The following ACVR1B variants were observed in gnomAD, a reference collection of about 807,000 sequenced individuals.
The protein encoded by ACVR1B is activin A receptor type 1B.
In ACVR1B, 15 loss-of-function variants were observed where a neutral mutation model predicts 55.6. That is an observed-to-expected ratio of 0.27 (90% CI 0.18 to 0.42). The LOEUF (loss-of-function observed/expected upper bound fraction) is 0.42. ACVR1B is among the 10% of genes least tolerant of loss of function. ACVR1B has a pLI of 1.00. For missense variants in ACVR1B, 359 were observed against 670.1 expected, an observed-to-expected ratio of 0.54 and a Z score of 5.13; for synonymous variants, 247 against 254.6, an observed-to-expected ratio of 0.97 and a Z score of 0.28.
chr12:51,992,083 G>A lies in ACVR1B; in HGVS notation c.1392+90G>A, dbSNP rs10876226. The A allele has an allele frequency of 3.9e-3, 6,009 of 1,536,152 alleles. 26 individuals are homozygous for A. The highest frequency in any genetic ancestry group is 4.6e-3 in the Non-Finnish European group (5,160 of 1,114,546). On this transcript the variant is annotated intron_variant, in intron 8 of 8. Transcript: ENST00000257963. ...TTGACAATGGGGTCAGGCCCCAGAG[G>A]AGCCCCCTGAGAGTGTCAGTTATTA...
intron 7 of ACVR1B, 125 bp from the exon 8 acceptor site, chr12:51,991,738 C>T (rs1056694784): frequency 2.4e-5 from 26 of 1,064,078 alleles, no homozygotes; most frequent in Non-Finnish European, 3.5e-5. Context: ...TTAGAATTAA[C>T]TAACTTTCTA....
intron 1 of ACVR1B, chr12:51,953,433 T>A (rs1249596222): frequency 1.0e-6 from 1 of 985,348 alleles, no homozygotes; most frequent in Non-Finnish European, 1.2e-6. Flanking sequence ...GCTCTGTGGC[T>A]TAGGTATCTG....
chr12:51,963,586 A>G (rs1414475809), intron 1 of ACVR1B, among the ~76,000 whole-genome samples: 5 of 152,240 alleles, frequency 3.3e-5, no homozygotes, highest in East Asian at 3.8e-4. Context: ...TTCATGTAAT[A>G]TAATGTTTTT....
chr12:51,965,371 A>G (rs904758323), intron 1 of ACVR1B, among the ~76,000 whole-genome samples: 1 of 152,230 alleles, frequency 6.6e-6, no homozygotes, highest in Non-Finnish European at 1.5e-5. Context: ...AAACCCTGAT[A>G]TATGATACTC....
rs1387315619 is a variant in ACVR1B at position 51,976,437 on chromosome 12, G to A, written c.442G>A (p.Val148Ile). ...LFLIIIIVFL[V>I]INYHQRVYHN... is the part of the protein sequence containing the mutation. ...CCTCATCATCATCATTGTTTTCCTT[G>A]TCATTAACTATCATCAGCGTGTCTA... The change falls in exon 3 of 9, where the codon GTC (valine) becomes ATC (isoleucine). Residue 148 changes from valine (V) to isoleucine (I), a missense_variant. Coordinates refer to ENST00000257963, the MANE Select transcript of ACVR1B (RefSeq NM_004302.5). 1 of 1,614,088 alleles carries A rather than the reference G, an allele frequency of 6.2e-7. No individual in the cohort carries two copies. Among genetic ancestry groups the A allele is most frequent in the East Asian group, 2.2e-5 (1 of 44,868 alleles).
chr12:51,984,464 C>T (rs1407956540), intron 5 of ACVR1B, among the ~76,000 whole-genome samples: 1 of 152,090 alleles, frequency 6.6e-6, no homozygotes, highest in East Asian at 1.9e-4. Context: ...ATCTTAGAAT[C>T]CCACAATAGA....
intron 1 of ACVR1B, among the ~76,000 whole-genome samples, chr12:51,954,113 C>T (rs924011841): frequency 5.3e-5 from 8 of 152,270 alleles, no homozygotes; most frequent in African/African-American, 1.9e-4. Context: ...CCCTCCCCTG[C>T]ATTTCCTATA....
At chr12:51,964,007 T>C (rs542979956) in intron 1 of ACVR1B, among the ~76,000 whole-genome samples, 1 of 152,360 alleles carries the variant, frequency 6.6e-6, no homozygotes, top group Admixed American at 6.5e-5. Context: ...TAGTATCTCA[T>C]TATGGTTTTG....
At chr12:51,980,645 G>C (rs1941960661) in intron 3 of ACVR1B, among the ~76,000 whole-genome samples, 1 of 152,234 alleles carries the variant, frequency 6.6e-6, no homozygotes, top group South Asian at 2.1e-4. Flanking sequence ...CAGGTGGCTG[G>C]CTGAAGAGTT....
intron 8 of ACVR1B, among the ~76,000 whole-genome samples, chr12:51,993,405 G>A (rs1942231959): frequency 6.6e-6 from 1 of 152,192 alleles, no homozygotes; most frequent in Non-Finnish European, 1.5e-5. Flanking sequence ...TCAGAGGGCA[G>A]GTGAGACCAA....
In ACVR1B at chr12:51,994,302, A is replaced by G. The variant is rs552923431; in HGVS notation, c.*192A>G. 1.7e-4 allele frequency: 113 copies of G among 652,102 alleles called. No individual in the cohort carries two copies. In the African/African-American group the frequency reaches 1.8e-3, roughly 10 times the overall value. The allele number at this position is 652,102 out of a possible 1,614,324, so 40.4% of individuals were successfully genotyped here. On this transcript the variant is annotated 3_prime_UTR_variant, in exon 9 of 9. Transcript: ENST00000257963. This position sits in a 1 kb window ranked among gnomAD's most constrained non-coding sequence, Gnocchi z 4.2. ...TGGGTTTGAGACAGACACCTTTTCT[A>G]TTTACCTCCTAATGGCATGGAGACT...
At position 51,994,319 on chromosome 12, in the gene ACVR1B, A is replaced by G. The variant is rs761540438; in HGVS notation, c.*209A>G. ...CCTTTTCTATTTACCTCCTAATGGC[A>G]TGGAGACTCTGAGAGCGAATTGTGT... On this transcript the variant is annotated 3_prime_UTR_variant, in exon 9 of 9. Transcript: ENST00000257963. This position sits in a 1 kb window ranked among gnomAD's most constrained non-coding sequence, Gnocchi z 4.2. 158 of 572,040 alleles carry G rather than the reference A, an allele frequency of 2.8e-4. 1 individual carries two copies. The highest frequency in any genetic ancestry group is 7.4e-4 in the Admixed American group (22 of 29,548). 35.4% of individuals were successfully genotyped at this position (572,040 alleles called of 1,614,324 possible). A position where few individuals can be genotyped will look rare whatever the true frequency, so the allele number is the denominator to read the frequency against.
chr12:51,987,462 A>C, intron 7 of ACVR1B: 2 of 313,630 alleles, frequency 6.4e-6, no homozygotes, highest in Non-Finnish European at 1.2e-5. Flanking sequence ...TCATGACAGA[A>C]TCCAGTAAGA....
intron 5 of ACVR1B, 70 bp downstream of exon 5, chr12:51,984,236 C>T (rs1942036563): frequency 6.5e-7 from 1 of 1,540,720 alleles, no homozygotes; most frequent in Non-Finnish European, 8.8e-7. Flanking sequence ...TGATTTAGTT[C>T]CTAGAATTCC....
chr12:51,968,992 G>A (rs547812849), intron 1 of ACVR1B, among the ~76,000 whole-genome samples: 1 of 152,250 alleles, frequency 6.6e-6, no homozygotes, highest in African/African-American at 2.4e-5. Flanking sequence ...TCCTGTAGTT[G>A]GAGAGGACCG....
intron 1 of ACVR1B, among the ~76,000 whole-genome samples, chr12:51,972,242 A>G (rs1224025179): frequency 6.6e-6 from 1 of 152,326 alleles, no homozygotes; most frequent in Admixed American, 6.5e-5. Flanking sequence ...CCCTGTCTCT[A>G]AAAAATAGAT....
chr12:51,974,209 C>T (rs1437911212), intron 1 of ACVR1B, among the ~76,000 whole-genome samples: 1 of 152,198 alleles, frequency 6.6e-6, no homozygotes, highest in African/African-American at 2.4e-5. Context: ...CACTTCCGAG[C>T]CCCAGCCTCA....
At chr12:51,978,023 C>T (rs1270675327) in intron 3 of ACVR1B, among the ~76,000 whole-genome samples, 1 of 151,964 alleles carries the variant, frequency 6.6e-6, no homozygotes. Flanking sequence ...CAGTCATGCC[C>T]AGACATTCTG....
intron 7 of ACVR1B, 23 bp from the exon 8 acceptor site, chr12:51,991,840 G>C (rs1942198523): frequency 6.2e-7 from 1 of 1,609,980 alleles, no homozygotes; most frequent in African/African-American, 1.3e-5. Flanking sequence ...GATAACTCAG[G>C]TAGATACTTT....
Sources: gnomAD v4.1 joint callset for allele counts (sites outside exome capture counted in the v4.1 genomes callset) on GRCh38, gnomAD v4.1.1 for gene constraint, Gnocchi (gnomAD v3.1) non-coding constraint, MANE v1.5 for transcripts, NCBI Gene and HGNC (gene_info 2026-07-23, HGNC 2026-07-21) for gene names.